The following SOX6 variants were observed in gnomAD, a reference collection of about 807,000 sequenced individuals.
SOX6 encodes the protein SRY-box transcription factor 6, also known as transcription factor SOX-6.
Under a neutral mutation model 97.8 loss-of-function variants are expected in SOX6, and 11 were observed. That is an observed-to-expected ratio of 0.11 (90% CI 0.07 to 0.19). The LOEUF is 0.19. Ranked by LOEUF, SOX6 falls within the 10% of genes least tolerant of loss-of-function variation. The pLI is 1.00. For synonymous variants in SOX6, 360 were observed against 371.4 expected (o/e 0.97, Z 0.35); for missense variants, 810 against 1,039.5 (o/e 0.78, Z 3.04).
intron 4 of SOX6, among the ~76,000 whole-genome samples, chr11:16,213,393 A>G (rs977035134): frequency 5.3e-5 from 8 of 152,050 alleles, no homozygotes; most frequent in African/African-American, 1.9e-4. Flanking sequence ...TTCCCTGTAT[A>G]TGTTTTTGCA....
At chr11:16,648,628 T>C (rs1849048656) in intron 3 of SOX6, among the ~76,000 whole-genome samples, 1 of 152,070 alleles carries the variant, frequency 6.6e-6, no homozygotes, top group Non-Finnish European at 1.5e-5. Context: ...AAGAAGATAA[T>C]ACCAATTCCA....
At chr11:16,090,141 G>A (rs1005014194) in intron 9 of SOX6, among the ~76,000 whole-genome samples, 6 of 152,022 alleles carry the variant, frequency 3.9e-5, no homozygotes, top group East Asian at 3.9e-4. Context: ...AATTACATGC[G>A]TTCACACACT....
At chr11:16,547,455 T>A (rs1023911719) in intron 4 of SOX6, among the ~76,000 whole-genome samples, 3 of 152,094 alleles carry the variant, frequency 2.0e-5, no homozygotes, top group African/African-American at 7.2e-5. Context: ...GGGATACTAT[T>A]CAGCCATAAA....
Position 15,972,987 on chromosome 11 carries a change from T to C in SOX6, c.2309A>G (p.Glu770Gly). ...SDCSSTSASPEPSLPVIQSTY... is the reference protein window; with the variant it reads ...SDCSSTSASPGPSLPVIQSTY... ...GCTCTGGATGACCGGGAGGCTGGGC[T>C]CCGGGCTGGCCGAGGTGCTAGAGCA... The change falls in exon 16 of 16, where the codon GAG becomes GGG. Residue 770 changes from glutamate to glycine, a missense_variant. This residue lies in a region of SOX6 where 122 missense variants were observed against 153.4 expected (regional missense o/e 0.80). Transcript: ENST00000683767. 1.9e-6 allele frequency: 3 copies of C among 1,614,188 alleles called. No homozygotes were observed. The highest frequency in any genetic ancestry group is 2.5e-6 in the Non-Finnish European group (3 of 1,180,024).
At chr11:16,499,795 C>A (rs573867477) in intron 4 of SOX6, among the ~76,000 whole-genome samples, 23 of 152,206 alleles carry the variant, frequency 1.5e-4, no homozygotes, top group African/African-American at 2.2e-4. Flanking sequence ...CAATAACAGG[C>A]TCTGAAATTG....
At chr11:16,440,253 C>T (rs766841166) in intron 1 of SOX6, among the ~76,000 whole-genome samples, 6 of 152,110 alleles carry the variant, frequency 3.9e-5, no homozygotes, top group Non-Finnish European at 7.4e-5. Context: ...ACGGATTTGC[C>T]GTTCACACTG....
intron 3 of SOX6, among the ~76,000 whole-genome samples, chr11:16,634,700 T>G (rs1590023711): frequency 1.3e-5 from 2 of 152,222 alleles, no homozygotes; most frequent in East Asian, 3.8e-4. Flanking sequence ...TTATTTTTAG[T>G]TTTCCATTGT....
chr11:16,563,448 T>G (rs1460442468), intron 4 of SOX6, among the ~76,000 whole-genome samples: 5 of 151,818 alleles, frequency 3.3e-5, no homozygotes, highest in Admixed American at 1.3e-4. Flanking sequence ...CTGTCACTAT[T>G]TAAAACAAAC....
chr11:16,177,645 CT>C (rs1851233368), intron 6 of SOX6, among the ~76,000 whole-genome samples: 1 of 151,500 alleles, frequency 6.6e-6, no homozygotes, highest in Non-Finnish European at 1.5e-5. Context: ...CTCTCTCTCT[CT>C]CTCATTCTCT....
At chr11:16,526,837 A>T (rs993612053) in intron 4 of SOX6, among the ~76,000 whole-genome samples, 2 of 151,960 alleles carry the variant, frequency 1.3e-5, no homozygotes, top group African/African-American at 4.8e-5. Flanking sequence ...CACAGAATGA[A>T]CTCAAATGTG....
intron 4 of SOX6, among the ~76,000 whole-genome samples, chr11:16,519,702 CT>C (rs1270971374): frequency 1.3e-5 from 2 of 152,026 alleles, no homozygotes; most frequent in Admixed American, 1.3e-4. Context: ...ATTTCTTTTC[CT>C]TTGGGTAGAA....
intron 6 of SOX6, among the ~76,000 whole-genome samples, chr11:16,117,583 C>G (rs1286213521): frequency 1.3e-5 from 2 of 152,074 alleles, no homozygotes; most frequent in African/African-American, 4.8e-5. Flanking sequence ...AAATGGAAAG[C>G]AAGAGCAAGG....
At chr11:16,457,264 T>C (rs1467438804) in intron 1 of SOX6, among the ~76,000 whole-genome samples, 1 of 152,144 alleles carries the variant, frequency 6.6e-6, no homozygotes, top group African/African-American at 2.4e-5. Flanking sequence ...ATAAATGATG[T>C]AGGCCTCCTT....
chr11:16,545,530 T>G (rs1319867507), intron 4 of SOX6, among the ~76,000 whole-genome samples: 1 of 152,206 alleles, frequency 6.6e-6, no homozygotes, highest in Non-Finnish European at 1.5e-5. Flanking sequence ...GCTGAAAGCC[T>G]TTCCTCTAAT....
At chr11:16,573,613 C>A (rs1847957539) in intron 4 of SOX6, among the ~76,000 whole-genome samples, 2 of 152,112 alleles carry the variant, frequency 1.3e-5, no homozygotes, top group Non-Finnish European at 2.9e-5. Flanking sequence ...GGAAAATAAT[C>A]TATCAATAGT....
chr11:16,457,566 G>A (rs1044890974), intron 1 of SOX6, among the ~76,000 whole-genome samples: 2 of 152,024 alleles, frequency 1.3e-5, no homozygotes, highest in African/African-American at 4.8e-5. Flanking sequence ...TGAAGGAATT[G>A]TGACTCAGGC....
chr11:16,326,527 C>G (rs1380727072), intron 2 of SOX6, among the ~76,000 whole-genome samples: 2 of 151,894 alleles, frequency 1.3e-5, no homozygotes, highest in African/African-American at 4.8e-5. Flanking sequence ...AAAAAAAAGT[C>G]ACTCTCAACA....
intron 1 of SOX6, among the ~76,000 whole-genome samples, chr11:16,361,891 C>T (rs972720924): frequency 1.3e-5 from 2 of 152,320 alleles, no homozygotes; most frequent in South Asian, 4.1e-4. Context: ...ATCATGAAAA[C>T]TAGACGTAAG....
chr11:16,191,699 C>A lies in SOX6; in HGVS notation c.536-4744G>T, dbSNP rs190126681. Among the ~76,000 whole-genome samples the A allele has an allele frequency of 5.9e-5, 9 of 152,154 alleles. No individual in the cohort carries two copies. The East Asian group carries it at 1.7e-3, about 29-fold the overall frequency. Reference sequence around the variant, plus strand: ...AAAACAGAGGTAGTTTCACAAACCACAAAAAGGGAACCAGCAAAAACACTT... The same window carrying A: ...AAAACAGAGGTAGTTTCACAAACCAAAAAAAGGGAACCAGCAAAAACACTT... On this transcript the variant is annotated intron_variant, in intron 4 of 15. Transcript: ENST00000683767.
Sources: allele counts gnomAD v4.1 joint callset (sites outside exome capture counted in the v4.1 genomes callset), GRCh38; gene constraint gnomAD v4.1.1; regional missense constraint gnomAD v4.1.1; transcripts MANE v1.5; gene names NCBI Gene and HGNC (gene_info 2026-07-23, HGNC 2026-07-21).